The following AGXT2 variants were observed in gnomAD, a reference collection of about 807,000 sequenced individuals.
The protein encoded by AGXT2 is alanine--glyoxylate aminotransferase 2, also known as alanine--glyoxylate aminotransferase 2, mitochondrial.
In AGXT2, 61 loss-of-function variants were observed where a neutral mutation model predicts 62.5. The ratio of observed to expected loss-of-function variants is 0.98; its 90% CI spans 0.79 to 1.21. The LOEUF (loss-of-function observed/expected upper bound fraction) is 1.21, where lower values mean the gene tolerates loss of function less well. Ranked by LOEUF, AGXT2 falls within the 50% of genes most tolerant of loss-of-function variation. The pLI, the probability that AGXT2 is intolerant of heterozygous loss-of-function variation, is 0.00. For missense variants in AGXT2, 666 were observed against 641.5 expected (o/e 1.04, Z -0.41); for synonymous variants, 243 against 218.7 (o/e 1.11, Z -0.98).
intron 7 of AGXT2, 119 bp downstream of exon 7, chr5:35,032,613 C>T: frequency 1.0e-6 from 1 of 992,816 alleles, no homozygotes; most frequent in South Asian, 1.4e-5. Context: ...TTTGCTTCCT[C>T]TGGCTTTTCC....
intron 11 of AGXT2, among the ~76,000 whole-genome samples, chr5:35,011,098 T>C (rs1388078046): frequency 6.6e-6 from 1 of 152,244 alleles, no homozygotes; most frequent in African/African-American, 2.4e-5. Flanking sequence ...GCAAACCTTG[T>C]TATTTTTATA....
At chr5:35,039,603 G>A in intron 2 of AGXT2, 95 bp from the exon 3 acceptor site, 4 of 1,347,656 alleles carry the variant, frequency 3.0e-6, no homozygotes, top group Non-Finnish European at 4.2e-6. Flanking sequence ...AGTGGACAGA[G>A]AAGAGGGCTG....
In AGXT2 at chr5:35,014,008, C is replaced by T. The variant is rs776089008; in HGVS notation, c.1075G>A (p.Ala359Thr). Residue 359 changes from alanine to threonine, a missense_variant, in exon 10 of 14, where the codon GCA becomes ACA. Transcript: ENST00000231420. ...CTACCTGGAGTGGTTATGACTGCTGCCATGGGAAAGCCATTCCCAATCCCT... is the reference window on the plus strand; with the variant it reads ...CTACCTGGAGTGGTTATGACTGCTGTCATGGGAAAGCCATTCCCAATCCCT... The part of the protein sequence containing the change: ...AKGIGNGFPM[A>T]AVITTPEIAK... 39 of 1,613,954 alleles carry T rather than the reference C, an allele frequency of 2.4e-5. No homozygotes were observed. Among genetic ancestry groups the T allele is most frequent in the Middle Eastern group, 1.6e-4 (1 of 6,082 alleles).
intron 12 of AGXT2, among the ~76,000 whole-genome samples, chr5:35,008,477 G>C (rs546274069): frequency 6.6e-6 from 1 of 152,302 alleles, no homozygotes; most frequent in East Asian, 1.9e-4. Flanking sequence ...CCCTTGGGTG[G>C]AGATTAGGAT....
chr5:35,025,848 T>A lies in AGXT2; in HGVS notation c.878A>T (p.Asn293Ile), dbSNP rs747278401. Residue 293 changes from asparagine (N) to isoleucine (I), a missense_variant, in exon 9 of 14, where the codon AAT becomes ATT. By Grantham distance (149) the Asn-to-Ile change is moderately radical. Coordinates refer to ENST00000231420, the MANE Select transcript of AGXT2 (RefSeq NM_031900.4). ...GFFAEPIQGV[N>I]GVVQYPKGFL... is the part of the protein sequence containing the mutation. The stretch of plus-strand genomic sequence containing the variant: ...CCCCTTTGGGTACTGGACAACTCCA[T>A]TCACACCCTGCAAAAGACCAGACCA... 1.9e-6 allele frequency: 3 copies of A among 1,613,998 alleles called. No individual in the cohort carries two copies. In the African/African-American group the frequency reaches 4.0e-5, roughly 22 times the overall value.
rs1275380133 is a variant in AGXT2, at chr5:34,998,190, T to C, written c.*529A>G. ...TGCTTAAGTGAGTGCTTCTTTGACA[T>C]CACTAAGCACTTGGCTTCCATCCAT... On this transcript the variant is annotated 3_prime_UTR_variant, in exon 14 of 14. Transcript: ENST00000231420. The C allele has an allele frequency of 5.9e-6, 1 of 170,208 alleles. No individual in the cohort carries two copies. The highest frequency in any genetic ancestry group is 1.3e-5 in the Non-Finnish European group (1 of 78,200). 10.5% of individuals were successfully genotyped at this position (170,208 alleles called of 1,614,324 possible).
chr5:35,025,946 C>T (rs1192021949), intron 8 of AGXT2, 91 bp from the exon 9 acceptor site: 1 of 1,084,030 alleles, frequency 9.2e-7, no homozygotes, highest in Non-Finnish European at 1.4e-6. Flanking sequence ...TCATCATTAT[C>T]ATGACAGTAA....
intron 13 of AGXT2, among the ~76,000 whole-genome samples, chr5:35,001,164 T>TA (rs1766215106): frequency 6.6e-6 from 1 of 152,158 alleles, no homozygotes; most frequent in African/African-American, 2.4e-5. Flanking sequence ...TATCAGGAGG[T>TA]AACCCCACTA....
intron 12 of AGXT2, among the ~76,000 whole-genome samples, chr5:35,008,556 C>A (rs1766514441): frequency 6.6e-6 from 1 of 152,180 alleles, no homozygotes; most frequent in African/African-American, 2.4e-5. Context: ...GACTTGTGAG[C>A]TCTTCTCCAT....
chr5:34,999,815 G>T (rs544826242), intron 13 of AGXT2, among the ~76,000 whole-genome samples: 3 of 152,124 alleles, frequency 2.0e-5, no homozygotes, highest in Non-Finnish European at 4.4e-5. Context: ...TAAAGGCTCA[G>T]AGAACAAGGT....
intron 3 of AGXT2, among the ~76,000 whole-genome samples, chr5:35,037,533 T>G (rs1370126570): frequency 9.0e-6 from 1 of 111,636 alleles, no homozygotes; most frequent in Non-Finnish European, 1.8e-5. Context: ...CCTTCCTCCC[T>G]TCCTCCCCTC....
At position 35,035,306 on chromosome 5, in the gene AGXT2, A is replaced by T. The variant is rs1478517315; in HGVS notation, c.497T>A (p.Leu166Ter). The change falls in exon 5 of 14, where the codon TTG (leucine) becomes TAG (stop). Residue 166 changes from leucine (L) to a stop codon, truncating the protein, a stop_gained. Transcript: ENST00000231420. LOFTEE classifies it high-confidence loss of function. ...ATTGGCTTCTGAGCCACTGTTCACC[A>T]AGAAAATGACCTGGAGAGGAAAGGA... ...LLPEPLKVIF[L>*]VNSGSEANEL... 1 of 1,613,926 alleles carries T rather than the reference A, an allele frequency of 6.2e-7. No individual in the cohort carries two copies.
chr5:35,026,135 G>A (rs767868500), intron 8 of AGXT2: 198 of 591,300 alleles, frequency 3.3e-4, no homozygotes, highest in Non-Finnish European at 5.3e-4. Flanking sequence ...TGGACAATGC[G>A]GATGTTATTA....
rs1766111424 is a variant in AGXT2 at position 34,998,515 on chromosome 5, C to T, written c.*204G>A. ...ATTTATTCTCTGAGCTAGGGAGATC[C>T]TTTCCCTGAAGAATGGAGTTCTCAA... On this transcript the variant is annotated 3_prime_UTR_variant, in exon 14 of 14. Coordinates refer to ENST00000231420, the MANE Select transcript of AGXT2 (RefSeq NM_031900.4). The T allele has an allele frequency of 4.9e-6, 3 of 612,674 alleles. No homozygotes were observed. Among genetic ancestry groups the T allele is most frequent in the East Asian group, 5.5e-5 (2 of 36,234 alleles). The allele number at this position is 612,674 out of a possible 1,614,324, so 38.0% of individuals were successfully genotyped here.
At chr5:35,000,503 C>G (rs1766187743) in intron 13 of AGXT2, among the ~76,000 whole-genome samples, 1 of 152,194 alleles carries the variant, frequency 6.6e-6, no homozygotes, top group Non-Finnish European at 1.5e-5. Flanking sequence ...GCCTCAGCCT[C>G]CTGAGTAGCA....
At chr5:35,039,640 T>C (rs1319295475) in intron 2 of AGXT2, 132 bp from the exon 3 acceptor site, 1 of 851,808 alleles carries the variant, frequency 1.2e-6, no homozygotes, top group Non-Finnish European at 1.9e-6. Context: ...CAGAAGTGCG[T>C]GTACTTACCC....
At chr5:35,040,243 A>C (rs1475416494) in intron 2 of AGXT2, among the ~76,000 whole-genome samples, 1 of 152,190 alleles carries the variant, frequency 6.6e-6, no homozygotes, top group Admixed American at 6.5e-5. Context: ...CAGGAGCAAC[A>C]TTTACTTTAA....
In AGXT2 at chr5:35,035,209, A is replaced by T; in HGVS notation, c.581+13T>A. On this transcript the variant is annotated intron_variant, in intron 5 of 13. Transcript: ENST00000231420. ...CAGTGTTCCTAAAGTTGAATATTCC[A>T]AGTTGTGATTACCTGAAAGAAATGA... 1 of 1,611,318 alleles carries T rather than the reference A, an allele frequency of 6.2e-7. No homozygotes were observed. The highest frequency in any genetic ancestry group is 8.5e-7 in the Non-Finnish European group (1 of 1,177,422).
At chr5:35,026,776 G>C in intron 7 of AGXT2, 19 of 926,336 alleles carry the variant, frequency 2.1e-5, no homozygotes, top group Non-Finnish European at 2.3e-5. Context: ...CTTTCCATCT[G>C]GGGAAGAAAC....
Sources: gnomAD v4.1 joint callset for allele counts (sites outside exome capture counted in the v4.1 genomes callset) on GRCh38, gnomAD v4.1.1 for gene constraint, MANE v1.5 for transcripts, NCBI Gene and HGNC (gene_info 2026-07-23, HGNC 2026-07-21) for gene names.